PLEKHA8: variants seen among roughly 807,000 people sequenced by gnomAD.
The protein encoded by PLEKHA8 is pleckstrin homology domain-containing family A member 8.
Under a neutral mutation model 68.2 loss-of-function variants are expected in PLEKHA8, and 36 were observed. The observed-to-expected ratio is 0.53, with a 90% CI of 0.40 to 0.70. The LOEUF (loss-of-function observed/expected upper bound fraction) is 0.70. Among genes scored for constraint, PLEKHA8 ranks in the 30% least tolerant of loss-of-function variants. The pLI, the probability that PLEKHA8 is intolerant of heterozygous loss-of-function variation, is 0.00. For missense variants in PLEKHA8, 505 were observed against 615.4 expected (o/e 0.82, Z 1.90); for synonymous variants, 211 against 216.1 (o/e 0.98, Z 0.20).
At position 30,031,952 on chromosome 7, in the gene PLEKHA8, C is replaced by T. The variant is rs1790702823; in HGVS notation, c.40+3150C>T. On this transcript the variant is annotated intron_variant, in intron 1 of 13. Coordinates refer to ENST00000449726, the MANE Select transcript of PLEKHA8 (RefSeq NM_001197026.2). The stretch of plus-strand genomic sequence containing the variant: ...TGCTAAGCGTATTCAGGTACTCTAT[C>T]CTCCTTCAATGAAAAATACAAAAAA... Among the ~76,000 whole-genome samples, 3 of 151,966 alleles carry T rather than the reference C, an allele frequency of 2.0e-5. No individual in the cohort carries two copies. In the South Asian group the frequency reaches 6.2e-4, roughly 32 times the overall value.
Position 30,116,112 on chromosome 7 carries a change from A to G in PLEKHA8, c.1363-13154A>G, listed in dbSNP as rs552105299. The G allele has an allele frequency of 8.1e-3, 1,231 of 151,128 alleles. 24 individuals carry two copies. Among genetic ancestry groups the G allele is most frequent in the African/African-American group, 0.029 (1,183 of 41,044 alleles). 9.4% of individuals were successfully genotyped at this position (151,128 alleles called of 1,614,324 possible). A position where few individuals can be genotyped will look rare whatever the true frequency, so the allele number is the denominator to read the frequency against. ...TACATACGTATACATACGCATACAT[A>G]CACGTATACATGTGTATACATATGT... On this transcript the variant is annotated intron_variant, in intron 13 of 13. Transcript: ENST00000396257.
chr7:30,046,947 C>A (rs1184093809), intron 3 of PLEKHA8, among the ~76,000 whole-genome samples: 4 of 152,208 alleles, frequency 2.6e-5, no homozygotes, highest in Non-Finnish European at 5.9e-5. Context: ...CCAGCTTTCT[C>A]TTTGGACTGG....
At chr7:30,070,837 G>A (rs1046835715) in intron 12 of PLEKHA8, among the ~76,000 whole-genome samples, 18 of 152,266 alleles carry the variant, frequency 1.2e-4, no homozygotes, top group African/African-American at 3.4e-4. Flanking sequence ...AGCCACCACC[G>A]TGCCTGGCCC....
intron 7 of PLEKHA8, among the ~76,000 whole-genome samples, chr7:30,054,258 C>T (rs1792648522): frequency 6.6e-6 from 1 of 152,098 alleles, no homozygotes; most frequent in African/African-American, 2.4e-5. Flanking sequence ...CCACTTTGCA[C>T]GTGTCCACAA....
chr7:30,055,223 A>G, intron 8 of PLEKHA8, 34 bp from the exon 9 acceptor site: 3 of 1,581,940 alleles, frequency 1.9e-6, no homozygotes, highest in Non-Finnish European at 2.6e-6. Context: ...CTGTATTTTC[A>G]ATCTTTTCTC....
chr7:30,112,827 G>A (rs1189557021), intron 13 of PLEKHA8, among the ~76,000 whole-genome samples: 1 of 151,890 alleles, frequency 6.6e-6, no homozygotes. Context: ...CTTGAGCCCA[G>A]GAGTTCAAGG....
intron 10 of PLEKHA8, among the ~76,000 whole-genome samples, 178 bp downstream of exon 10, chr7:30,061,120 T>G (rs1412636078): frequency 6.6e-6 from 1 of 152,228 alleles, no homozygotes; most frequent in East Asian, 1.9e-4. Flanking sequence ...AAGCCTTTAT[T>G]ATATGCTAGA....
intron 1 of PLEKHA8, among the ~76,000 whole-genome samples, chr7:30,035,471 G>C (rs1790995400): frequency 6.6e-6 from 1 of 152,034 alleles, no homozygotes; most frequent in African/African-American, 2.4e-5. Flanking sequence ...TGTGTATTCA[G>C]CTTTCTATTT....
At chr7:30,056,312 C>CTCTCTCTCTCTATATATATATATA (rs796845171) in intron 9 of PLEKHA8, among the ~76,000 whole-genome samples, 2 of 94,544 alleles carry the variant, frequency 2.1e-5, no homozygotes, top group African/African-American at 3.9e-5. Flanking sequence ...CTCTCTCTCT[C>CTCTCTCTCTCTATATATATATATA]TATATATATA....
chr7:30,076,782 T>C (rs986182944), intron 13 of PLEKHA8, among the ~76,000 whole-genome samples: 5 of 152,212 alleles, frequency 3.3e-5, no homozygotes, highest in Non-Finnish European at 5.9e-5. Flanking sequence ...ACTCTCCAAG[T>C]CATGCCTACT....
chr7:30,049,220 G>T lies in PLEKHA8; in HGVS notation c.439-4G>T. Reference sequence around the variant, plus strand: ...AGGAGTCTTCCACTCTGGTTGTTTCGTAGGAGGGAATTGATGTGGGAACTT... The same window carrying T: ...AGGAGTCTTCCACTCTGGTTGTTTCTTAGGAGGGAATTGATGTGGGAACTT... On this transcript the variant is annotated splice_region_variant and splice_polypyrimidine_tract_variant and intron_variant, in intron 4 of 13. Transcript: ENST00000449726. 2 of 1,613,622 alleles carry T rather than the reference G, an allele frequency of 1.2e-6. No homozygotes were observed. The highest frequency in any genetic ancestry group is 1.7e-6 in the Non-Finnish European group (2 of 1,179,944).
At chr7:30,108,473 T>G (rs1440669541) in intron 13 of PLEKHA8, among the ~76,000 whole-genome samples, 1 of 152,184 alleles carries the variant, frequency 6.6e-6, no homozygotes, top group African/African-American at 2.4e-5. Context: ...CCTTCTGGGT[T>G]TAATGGGTTT....
intron 1 of PLEKHA8, among the ~76,000 whole-genome samples, chr7:30,031,606 CTG>C (rs1790672343): frequency 1.3e-5 from 2 of 152,110 alleles, no homozygotes; most frequent in African/African-American, 4.8e-5. Context: ...GGTTTAAACA[CTG>C]TGATGTGATT....
intron 9 of PLEKHA8, among the ~76,000 whole-genome samples, chr7:30,057,828 C>G (rs1488984109): frequency 6.6e-6 from 1 of 152,146 alleles, no homozygotes; most frequent in Non-Finnish European, 1.5e-5. Context: ...GCTTTCATTT[C>G]TCTTGAGTAA....
intron 13 of PLEKHA8, among the ~76,000 whole-genome samples, chr7:30,096,047 T>C (rs1266416422): frequency 6.6e-6 from 1 of 152,234 alleles, no homozygotes; most frequent in Non-Finnish European, 1.5e-5. Flanking sequence ...AGTAGTTTTT[T>C]CCAATTTTGT....
chr7:30,104,894 T>C (rs1308372069), intron 13 of PLEKHA8, among the ~76,000 whole-genome samples: 2 of 151,868 alleles, frequency 1.3e-5, no homozygotes, highest in Non-Finnish European at 2.9e-5. Flanking sequence ...AGCTAATTTT[T>C]GCATTTTTAG....
At chr7:30,099,249 C>T (rs1350506649) in intron 13 of PLEKHA8, among the ~76,000 whole-genome samples, 2 of 152,160 alleles carry the variant, frequency 1.3e-5, no homozygotes, top group African/African-American at 4.8e-5. Flanking sequence ...AAACAAAACA[C>T]CACAAACAAT....
At chr7:30,051,169 G>A (rs1562864670) in intron 6 of PLEKHA8, among the ~76,000 whole-genome samples, 1 of 152,056 alleles carries the variant, frequency 6.6e-6, no homozygotes, top group African/African-American at 2.4e-5. Flanking sequence ...CCAAGTATTG[G>A]TATTACAGGC....
chr7:30,049,370 C>G lies in PLEKHA8; in HGVS notation c.585C>G (p.Leu195=), dbSNP rs780983290. Residue 195 remains leucine (L), a synonymous_variant, in exon 5 of 14, where the codon CTC becomes CTG. Coordinates refer to ENST00000449726, the MANE Select transcript of PLEKHA8 (RefSeq NM_001197026.2). ...TPPGSPQLAM[L]KSSKMKHPII... is the part of the protein sequence containing the mutation. ...CAGGATCACCTCAGCTGGCCATGCT[C>G]AAGTCCAGCAAGGTAAAAGTCCAGC... The G allele has an allele frequency of 2.5e-6, 4 of 1,613,626 alleles. No homozygotes were observed. In the African/African-American group the frequency reaches 5.3e-5, roughly 22 times the overall value.
Sources: allele counts gnomAD v4.1 joint callset (sites outside exome capture counted in the v4.1 genomes callset), GRCh38; gene constraint gnomAD v4.1.1; transcripts MANE v1.5; gene names NCBI Gene and HGNC (gene_info 2026-07-23, HGNC 2026-07-21).